MROH9: variants seen among roughly 807,000 people sequenced by gnomAD.
The protein encoded by MROH9 is maestro heat like repeat family member 9, also known as maestro heat-like repeat-containing protein family member 9.
Under a neutral mutation model 98.2 loss-of-function variants are expected in MROH9, and 92 were observed. The observed-to-expected ratio is 0.94, with a 90% CI of 0.79 to 1.11. MROH9 has a LOEUF of 1.11. Among genes scored for constraint, MROH9 ranks in the 50% most tolerant of loss-of-function variants. MROH9 has a pLI of 0.00. For synonymous variants in MROH9, 397 were observed against 368.9 expected, an observed-to-expected ratio of 1.08 and a Z score of -0.87; for missense variants, 1,057 against 1,014.8, an observed-to-expected ratio of 1.04 and a Z score of -0.57.
intron 8 of MROH9, among the ~76,000 whole-genome samples, chr1:170,977,345 C>T (rs1196009457): frequency 2.0e-5 from 3 of 152,210 alleles, no homozygotes; most frequent in South Asian, 2.1e-4. Flanking sequence ...TTTCTCAGTT[C>T]GGCATGAGGG....
intron 15 of MROH9, among the ~76,000 whole-genome samples, chr1:171,002,107 C>T (rs1651804010): frequency 6.6e-6 from 1 of 152,082 alleles, no homozygotes; most frequent in African/African-American, 2.4e-5. Context: ...TTTTTCCATG[C>T]CTTTACTTTA....
At chr1:171,045,694 C>T (rs1173529605) in intron 20 of MROH9, among the ~76,000 whole-genome samples, 1 of 152,176 alleles carries the variant, frequency 6.6e-6, no homozygotes, top group Non-Finnish European at 1.5e-5. Flanking sequence ...TGTTTTAAGA[C>T]TGTTCAGTGA....
chr1:170,990,074 G>C, intron 11 of MROH9, 71 bp downstream of exon 11: 5 of 1,456,082 alleles, frequency 3.4e-6, no homozygotes, highest in Non-Finnish European at 4.6e-6. Flanking sequence ...ATGGACCTGG[G>C]TTCAACTCTC....
At chr1:170,978,481 G>A (rs1249293765) in intron 8 of MROH9, among the ~76,000 whole-genome samples, 1 of 152,146 alleles carries the variant, frequency 6.6e-6, no homozygotes, top group Non-Finnish European at 1.5e-5. Context: ...TGGCTGGTGA[G>A]GAGTGGGGGT....
chr1:171,029,949 A>G (rs1471483581), intron 20 of MROH9, among the ~76,000 whole-genome samples: 2 of 152,136 alleles, frequency 1.3e-5, no homozygotes, highest in Admixed American at 1.3e-4. Context: ...TTGGTAGGCT[A>G]TTAATTACTG....
In MROH9 at chr1:171,064,352, G is replaced by T; in HGVS notation, c.*12G>T. 1 of 1,515,670 alleles carries T rather than the reference G, an allele frequency of 6.6e-7. No individual in the cohort carries two copies. The highest frequency in any genetic ancestry group is 1.4e-5 in the African/African-American group (1 of 70,880). 93.9% of individuals were successfully genotyped at this position (1,515,670 alleles called of 1,614,324 possible). ...ATAAGGCCTTATAGAAGAGAATGAT[G>T]ATGACATTCATCATTCATAAACAAT... is the stretch of plus-strand genomic sequence containing the variant. On this transcript the variant is annotated 3_prime_UTR_variant, in exon 22 of 22. Coordinates refer to ENST00000367759, the MANE Select transcript of MROH9 (RefSeq NM_001163629.2).
intron 20 of MROH9, among the ~76,000 whole-genome samples, chr1:171,053,962 CA>C (rs1653750536): frequency 6.6e-6 from 1 of 151,800 alleles, no homozygotes; most frequent in African/African-American, 2.4e-5. Context: ...AAGAATTTTC[CA>C]AAACTAAAAT....
chr1:171,044,970 A>ATTTTT (rs1162985944), intron 20 of MROH9, among the ~76,000 whole-genome samples: 1 of 41,356 alleles, frequency 2.4e-5, no homozygotes, highest in Non-Finnish European at 5.3e-5. Flanking sequence ...TTCTGCTCTG[A>ATTTTT]TCTTTTTTTT....
At chr1:170,966,959 CAT>C (rs1246125823) in intron 7 of MROH9, among the ~76,000 whole-genome samples, 3 of 152,146 alleles carry the variant, frequency 2.0e-5, no homozygotes, top group African/African-American at 4.8e-5. Context: ...AGCCTAGTCA[CAT>C]GTTTCTCTCT....
chr1:170,962,668 T>G (rs61815974), intron 6 of MROH9, among the ~76,000 whole-genome samples: 12,134 of 152,102 alleles, frequency 0.08, 617 homozygotes, highest in Non-Finnish European at 0.11. Flanking sequence ...TATTTATGAA[T>G]ACAAAAAGGA....
At chr1:170,941,022 C>T (rs2101863433) in intron 1 of MROH9, among the ~76,000 whole-genome samples, 1 of 152,246 alleles carries the variant, frequency 6.6e-6, no homozygotes, top group Middle Eastern at 3.4e-3. Context: ...TCTGTAATAA[C>T]CCAGGATGGA....
chr1:171,049,810 A>C (rs1387676760), intron 20 of MROH9, among the ~76,000 whole-genome samples: 1 of 151,912 alleles, frequency 6.6e-6, no homozygotes, highest in Non-Finnish European at 1.5e-5. Context: ...CCCCCTAAGT[A>C]GCTAGGACTA....
chr1:170,989,741 T>A, intron 10 of MROH9, 114 bp from the exon 11 acceptor site: 1 of 891,924 alleles, frequency 1.1e-6, no homozygotes, highest in Non-Finnish European at 1.7e-6. Flanking sequence ...TGTATGTTAG[T>A]TGCTGCTTTG....
At chr1:171,026,760 A>G (rs147100813) in intron 20 of MROH9, among the ~76,000 whole-genome samples, 38 of 152,314 alleles carry the variant, frequency 2.5e-4, no homozygotes, top group African/African-American at 8.2e-4. Context: ...ATGAAGAAAA[A>G]CAAACCTTAG....
At chr1:171,012,823 G>A (rs1652204398) in intron 15 of MROH9, among the ~76,000 whole-genome samples, 4 of 152,118 alleles carry the variant, frequency 2.6e-5, no homozygotes, top group Admixed American at 2.0e-4. Flanking sequence ...TTGTGTTTTT[G>A]AGAGATTTTA....
chr1:170,970,545 G>T (rs1251541853), intron 7 of MROH9, among the ~76,000 whole-genome samples: 1 of 152,084 alleles, frequency 6.6e-6, no homozygotes, highest in Non-Finnish European at 1.5e-5. Flanking sequence ...CTTTGTACGG[G>T]TGGAAAAGAA....
intron 17 of MROH9, among the ~76,000 whole-genome samples, chr1:171,019,969 C>T (rs762787472): frequency 1.3e-5 from 2 of 152,158 alleles, no homozygotes; most frequent in African/African-American, 4.8e-5. Flanking sequence ...AAACTACCAT[C>T]AGAGAACACT....
chr1:170,977,154 T>G (rs1233178152), intron 8 of MROH9, among the ~76,000 whole-genome samples: 1 of 152,214 alleles, frequency 6.6e-6, no homozygotes, highest in Non-Finnish European at 1.5e-5. Flanking sequence ...ATTGTGAGTC[T>G]TAGTTTCCTT....
rs546066799 is a variant in MROH9 at position 170,991,834 on chromosome 1, CCAGAGGAA to C, written c.1029-321_1029-314del. On this transcript the variant is annotated intron_variant, in intron 11 of 21. Coordinates refer to ENST00000367759, the MANE Select transcript of MROH9 (RefSeq NM_001163629.2). The stretch of plus-strand genomic sequence containing the variant: ...TTCCTGAACAAACAAAGTCACAAGG[CCAGAGGAA>C]CAGAGGAAGTATAGATTGCAGAAAG... 4.3e-3 allele frequency among the ~76,000 whole-genome samples: 648 copies of C among 152,108 alleles called. 2 individuals are homozygous for C. Among genetic ancestry groups the C allele is most frequent in the Non-Finnish European group, 6.5e-3 (444 of 67,998 alleles).
Sources: allele counts gnomAD v4.1 joint callset (sites outside exome capture counted in the v4.1 genomes callset), GRCh38; gene constraint gnomAD v4.1.1; transcripts MANE v1.5; gene names NCBI Gene and HGNC (gene_info 2026-07-23, HGNC 2026-07-21).